PLA2G2D: variants seen among roughly 807,000 people sequenced by gnomAD.
The protein encoded by PLA2G2D is group IID secretory phospholipase A2.
Under a neutral mutation model 13.9 loss-of-function variants are expected in PLA2G2D, and 17 were observed. That is an observed-to-expected ratio of 1.23 (90% CI 0.84 to 1.84). The LOEUF (loss-of-function observed/expected upper bound fraction) is 1.84, where lower values mean the gene tolerates loss of function less well. PLA2G2D is among the 40% of genes most tolerant of loss of function. The probability of loss-of-function intolerance (pLI) is 0.00; values close to 1 mark genes in which losing one functional copy is unlikely to be tolerated. For synonymous variants in PLA2G2D, 83 were observed against 69.3 expected, an observed-to-expected ratio of 1.20 and a Z score of -0.98; for missense variants, 194 against 178.7, an observed-to-expected ratio of 1.09 and a Z score of -0.49.
chr1:20,114,497 G>T (rs62541897), intron 3 of PLA2G2D, among the ~76,000 whole-genome samples: 3 of 152,170 alleles, frequency 2.0e-5, no homozygotes, highest in Admixed American at 2.0e-4. Context: ...ACCGTGTCAC[G>T]GCAGGAGAGG....
In PLA2G2D at chr1:20,116,379, G is replaced by C; in HGVS notation, c.139C>G (p.His47Asp). The C allele has an allele frequency of 6.2e-7, 1 of 1,614,228 alleles. No homozygotes were observed. Among genetic ancestry groups the C allele is most frequent in the Non-Finnish European group, 8.5e-7 (1 of 1,180,024 alleles). Residue 47 changes from histidine (H) to aspartate (D), a missense_variant, in exon 2 of 4, where the codon CAC (histidine) becomes GAC (aspartate). Coordinates refer to ENST00000375105, the MANE Select transcript of PLA2G2D (RefSeq NM_012400.4). ...TGGCCTCTGCCACCTAGTCCGCAGT[G>C]ACAGCCGTAGGGCCAGTAGGAGAGG... ...PILSYWPYGCHCGLGGRGQPK... is the reference protein window; with the variant it reads ...PILSYWPYGCDCGLGGRGQPK...
At chr1:20,119,366 C>T in intron 1 of PLA2G2D, 93 bp downstream of exon 1, 1 of 1,123,782 alleles carries the variant, frequency 8.9e-7, no homozygotes, top group Non-Finnish European at 1.4e-6. Context: ...TCCTGGGGAT[C>T]AGAGCAGCAG....
chr1:20,115,742 T>C (rs2016973745), intron 2 of PLA2G2D, 129 bp from the exon 3 acceptor site: 1 of 683,632 alleles, frequency 1.5e-6, no homozygotes, highest in African/African-American at 1.8e-5. Context: ...GCAGTCTTCC[T>C]CAGGATCATG....
chr1:20,119,339 G>A, intron 1 of PLA2G2D, 120 bp downstream of exon 1: 1 of 876,942 alleles, frequency 1.1e-6, no homozygotes, highest in Non-Finnish European at 2.0e-6. Flanking sequence ...AGAAGGATTG[G>A]GGAGTGGGGG....
rs1360529119 is a variant in PLA2G2D, at chr1:20,114,172, T to C, written c.380A>G (p.Gln127Arg). 1 of 1,614,068 alleles carries C rather than the reference T, an allele frequency of 6.2e-7. No individual in the cohort carries two copies. The highest frequency in any genetic ancestry group is 8.5e-7 in the Non-Finnish European group (1 of 1,179,976). ...CCGCCAGTAGAAACGCAGTCGCTTC[T>C]GGTAGGTGTCCAGGTTGCGCTTCAG... ...FCLKRNLDTY[Q>R]KRLRFYWRPH... Residue 127 changes from glutamine (Q) to arginine (R), a missense_variant, in exon 4 of 4, where the codon CAG becomes CGG. By Grantham distance (43) the Gln-to-Arg change is conservative (BLOSUM62 1). Coordinates refer to ENST00000375105, the MANE Select transcript of PLA2G2D (RefSeq NM_012400.4).
intron 1 of PLA2G2D, among the ~76,000 whole-genome samples, chr1:20,117,416 A>G (rs2017010492): frequency 6.6e-6 from 1 of 152,170 alleles, no homozygotes; most frequent in Admixed American, 6.5e-5. Context: ...CTGAGTCTGT[A>G]ATAAAGAGAG....
Position 20,113,517 on chromosome 1 carries a change from G to T in PLA2G2D, c.*597C>A, listed in dbSNP as rs1349627155. On this transcript the variant is annotated 3_prime_UTR_variant, in exon 4 of 4. Transcript: ENST00000375105. The stretch of plus-strand genomic sequence containing the variant: ...GCTTCACCCAAGAAGGATTTATGGA[G>T]CTCCTTCTTGGTTCTGGTGTTGCTT... 6.6e-6 allele frequency: 1 copy of T among 152,190 alleles called. No homozygotes were observed. The allele number at this position is 152,190 out of a possible 1,614,324, so 9.4% of individuals were successfully genotyped here.
chr1:20,115,962 C>T (rs943799470), intron 2 of PLA2G2D, among the ~76,000 whole-genome samples: 1 of 152,114 alleles, frequency 6.6e-6, no homozygotes, highest in African/African-American at 2.4e-5. Flanking sequence ...CCAGGCCTGG[C>T]TGGCTCTCAC....
Position 20,116,355 on chromosome 1 carries a change from G to C in PLA2G2D, c.163C>G (p.Gln55Glu), listed in dbSNP as rs1446653261. 3 of 1,614,062 alleles carry C rather than the reference G, an allele frequency of 1.9e-6. No homozygotes were observed. The highest frequency in any genetic ancestry group is 1.7e-5 in the Admixed American group (1 of 60,008). ...TACCAGTCCGTGGCATCTTTGGGTT[G>C]GCCTCTGCCACCTAGTCCGCAGTGA... ...GCHCGLGGRG[Q>E]PKDATDWCCQ... The change falls in exon 2 of 4, where the codon CAA (glutamine) becomes GAA (glutamate). Residue 55 changes from glutamine to glutamate, a missense_variant. Physicochemically the swap from Gln to Glu is conservative, Grantham distance 29. Transcript: ENST00000375105.
Position 20,115,625 on chromosome 1 carries a change from A to C in PLA2G2D, c.186-12T>G. The C allele has an allele frequency of 6.5e-7, 1 of 1,548,762 alleles. No homozygotes were observed. On this transcript the variant is annotated splice_polypyrimidine_tract_variant and intron_variant, in intron 2 of 3. Coordinates refer to ENST00000375105, the MANE Select transcript of PLA2G2D (RefSeq NM_012400.4). ...GGGTCTGGCAGCACCTGGAGCAGAC[A>C]GGGTGCACAGCTGCATGGGTCCCCA...
At chr1:20,114,361 T>C in intron 3 of PLA2G2D, 102 bp from the exon 4 acceptor site, 1 of 1,252,242 alleles carries the variant, frequency 8.0e-7, no homozygotes, top group Admixed American at 2.4e-5. Context: ...TACTCAGTCG[T>C]AGAGGTACCG....
intron 1 of PLA2G2D, among the ~76,000 whole-genome samples, chr1:20,117,383 T>G (rs924474748): frequency 1.2e-4 from 18 of 152,128 alleles, no homozygotes; most frequent in Admixed American, 9.8e-4. Flanking sequence ...GTCACCCTTC[T>G]TACCTCCAGC....
chr1:20,116,420 G>C lies in PLA2G2D; in HGVS notation c.98C>G (p.Thr33Ser), dbSNP rs770121320. The change falls in exon 2 of 4, where the codon ACT becomes AGT. Residue 33 changes from threonine to serine, a missense_variant. Transcript: ENST00000375105. ...LNLNKMVKQV[T>S]GKMPILSYWP... ...GTAGGAGAGGATGGGCATTTTCCCAGTCACTTGCTTGACCATCTTGTTCAG... is the reference window on the plus strand; with the variant it reads ...GTAGGAGAGGATGGGCATTTTCCCACTCACTTGCTTGACCATCTTGTTCAG... The C allele has an allele frequency of 6.2e-7, 1 of 1,614,160 alleles. No homozygotes were observed. The highest frequency in any genetic ancestry group is 8.5e-7 in the Non-Finnish European group (1 of 1,180,020).
chr1:20,116,188 G>T (rs62541870), intron 2 of PLA2G2D, 145 bp downstream of exon 2: 2 of 879,188 alleles, frequency 2.3e-6, no homozygotes, highest in African/African-American at 1.7e-5. Context: ...GGCTGGGACC[G>T]TATTGGCACC....
Position 20,116,467 on chromosome 1 carries a change from T to C in PLA2G2D, c.51A>G (p.Pro17=). ...TCAGGTTCAGGATCCCGCCCTGGAT[T>C]GGAATCACACCTGCCAAGCAGCCCA... ...CGLVVMAGVI[P]IQGGILNLNK... is the part of the protein sequence containing the mutation. The change falls in exon 2 of 4, where the codon CCA becomes CCG. Residue 17 remains proline (P), a synonymous_variant. Coordinates refer to ENST00000375105, the MANE Select transcript of PLA2G2D (RefSeq NM_012400.4). 1 of 1,614,062 alleles carries C rather than the reference T, an allele frequency of 6.2e-7. No individual in the cohort carries two copies. Among genetic ancestry groups the C allele is most frequent in the Non-Finnish European group, 8.5e-7 (1 of 1,180,012 alleles).
In PLA2G2D at chr1:20,112,269, G is replaced by A. The variant is rs2016900149; in HGVS notation, c.*1845C>T. On this transcript the variant is annotated 3_prime_UTR_variant, in exon 4 of 4. Coordinates refer to ENST00000375105, the MANE Select transcript of PLA2G2D (RefSeq NM_012400.4). ...GGCATGAGCCACCATGCCTGGCCTA[G>A]ACTTTATCTTTATATGGCAGTTTTA... 1 of 152,142 alleles carries A rather than the reference G, an allele frequency of 6.6e-6. No individual in the cohort carries two copies. The highest frequency in any genetic ancestry group is 1.5e-5 in the Non-Finnish European group (1 of 68,056). The allele number at this position is 152,142 out of a possible 1,614,324, so 9.4% of individuals were successfully genotyped here.
Position 20,116,305 on chromosome 1 carries a change from G to A in PLA2G2D, c.185+28C>T, listed in dbSNP as rs770372562. The A allele has an allele frequency of 2.4e-5, 38 of 1,611,124 alleles. No homozygotes were observed. In the Admixed American group the frequency reaches 5.7e-4, roughly 24 times the overall value. ...GAGTACCGTAGTCGGGGACAGTATAGGATTGCCAGCCCTGAGAAAGGAGTT... is the reference window on the plus strand; with the variant it reads ...GAGTACCGTAGTCGGGGACAGTATAAGATTGCCAGCCCTGAGAAAGGAGTT... On this transcript the variant is annotated intron_variant, in intron 2 of 3. Coordinates refer to ENST00000375105, the MANE Select transcript of PLA2G2D (RefSeq NM_012400.4).
At chr1:20,114,755 G>A (rs1413798790) in intron 3 of PLA2G2D, among the ~76,000 whole-genome samples, 1 of 152,178 alleles carries the variant, frequency 6.6e-6, no homozygotes, top group East Asian at 1.9e-4. Context: ...CATTATCCAT[G>A]AAGCGGGGAT....
At chr1:20,118,812 A>G (rs1290789434) in intron 1 of PLA2G2D, among the ~76,000 whole-genome samples, 1 of 152,292 alleles carries the variant, frequency 6.6e-6, no homozygotes, top group African/African-American at 2.4e-5. Context: ...TTGCAGCTCA[A>G]TTGCAAATTT....
Sources: gnomAD v4.1 joint callset for allele counts (sites outside exome capture counted in the v4.1 genomes callset) on GRCh38, gnomAD v4.1.1 for gene constraint, MANE v1.5 for transcripts, NCBI Gene and HGNC (gene_info 2026-07-23, HGNC 2026-07-21) for gene names.